LRRTM3: variants seen among roughly 807,000 people sequenced by gnomAD.
LRRTM3 encodes leucine rich repeat transmembrane neuronal 3, also known as leucine-rich repeat transmembrane neuronal protein 3.
In LRRTM3, 24 loss-of-function variants were observed where a neutral mutation model predicts 44.7. The observed-to-expected ratio is 0.54, with a 90% confidence interval of 0.39 to 0.76. The LOEUF (loss-of-function observed/expected upper bound fraction) is 0.76, where lower values mean the gene tolerates loss of function less well. Ranked by LOEUF, LRRTM3 falls within the 30% of genes least tolerant of loss-of-function variation. The probability of loss-of-function intolerance (pLI) is 0.00; values close to 1 mark genes in which losing one functional copy is unlikely to be tolerated. For missense variants in LRRTM3, 587 were observed against 702.2 expected (o/e 0.84, Z 1.85); for synonymous variants, 277 against 278.7 (o/e 0.99, Z 0.06).
At chr10:66,990,125 G>A (rs992673434) in intron 2 of LRRTM3, among the ~76,000 whole-genome samples, 3 of 152,178 alleles carry the variant, frequency 2.0e-5, no homozygotes, top group Admixed American at 1.3e-4. Flanking sequence ...AAGCTTGTCA[G>A]TAGACATCAT....
At chr10:67,059,449 T>G (rs1172861674) in intron 2 of LRRTM3, among the ~76,000 whole-genome samples, 1 of 152,126 alleles carries the variant, frequency 6.6e-6, no homozygotes, top group African/African-American at 2.4e-5. Flanking sequence ...ACAGACAGAT[T>G]GTAAGAGACA....
intron 2 of LRRTM3, among the ~76,000 whole-genome samples, chr10:67,066,569 C>T (rs1196956238): frequency 1.3e-5 from 2 of 150,792 alleles, no homozygotes; most frequent in Non-Finnish European, 2.9e-5. Context: ...ACACACCAAC[C>T]ATTACAGAAG....
At chr10:66,997,304 G>A (rs1851408308) in intron 2 of LRRTM3, among the ~76,000 whole-genome samples, 1 of 152,170 alleles carries the variant, frequency 6.6e-6, no homozygotes, top group Non-Finnish European at 1.5e-5. Context: ...GAATGTGACT[G>A]ATACAATCTG....
intron 2 of LRRTM3, among the ~76,000 whole-genome samples, chr10:66,964,412 G>A (rs1849290657): frequency 6.6e-6 from 1 of 151,632 alleles, no homozygotes; most frequent in African/African-American, 2.4e-5. Flanking sequence ...TTTTTAAACT[G>A]GCACAAAAGT....
intron 2 of LRRTM3, among the ~76,000 whole-genome samples, chr10:66,945,660 T>C (rs1393596811): frequency 6.6e-6 from 1 of 152,236 alleles, no homozygotes; most frequent in African/African-American, 2.4e-5. Context: ...AAAAGAGGCC[T>C]AGCTTTCAAC....
chr10:66,987,225 A>G (rs1850781441), intron 2 of LRRTM3, among the ~76,000 whole-genome samples: 1 of 152,134 alleles, frequency 6.6e-6, no homozygotes, highest in Non-Finnish European at 1.5e-5. Context: ...TTTTTCTCTG[A>G]ATGAAACGGG....
intron 2 of LRRTM3, among the ~76,000 whole-genome samples, chr10:67,060,713 G>GC (rs1326953642): frequency 6.6e-6 from 1 of 152,092 alleles, no homozygotes; most frequent in African/African-American, 2.4e-5. Flanking sequence ...AGGAGTCTAG[G>GC]CATCATTCCA....
chr10:66,945,658 C>T (rs1033277477), intron 2 of LRRTM3, among the ~76,000 whole-genome samples: 3 of 152,164 alleles, frequency 2.0e-5, no homozygotes, highest in African/African-American at 7.2e-5. Context: ...GCAAAAGAGG[C>T]CTAGCTTTCA....
At chr10:66,932,435 G>T (rs1253085792) in intron 2 of LRRTM3, among the ~76,000 whole-genome samples, 1 of 152,140 alleles carries the variant, frequency 6.6e-6, no homozygotes, top group Non-Finnish European at 1.5e-5. Context: ...CGAGCCATGA[G>T]AAATAAAAAA....
At chr10:67,072,885 T>G (rs997942220) in intron 2 of LRRTM3, among the ~76,000 whole-genome samples, 80 of 33,350 alleles carry the variant, frequency 2.4e-3, no homozygotes, top group African/African-American at 0.023. Flanking sequence ...TTTTGGAAGC[T>G]CTGCCTTTGG....
intron 2 of LRRTM3, among the ~76,000 whole-genome samples, chr10:66,967,764 C>A (rs1849516263): frequency 6.6e-6 from 1 of 151,942 alleles, no homozygotes; most frequent in South Asian, 2.1e-4. Context: ...GAAAAATAAT[C>A]TGTTTAGTAG....
intron 2 of LRRTM3, among the ~76,000 whole-genome samples, chr10:67,033,700 A>G (rs926556277): frequency 1.1e-4 from 16 of 152,182 alleles, no homozygotes; most frequent in African/African-American, 1.9e-4. Flanking sequence ...CAGATCCTAA[A>G]TGGTGGAACT....
chr10:67,097,322 A>G (rs1427485546), intron 2 of LRRTM3, among the ~76,000 whole-genome samples: 3 of 151,926 alleles, frequency 2.0e-5, no homozygotes, highest in Admixed American at 1.3e-4. Context: ...TAAATCTTTT[A>G]TCATTTTCAG....
chr10:66,935,280 A>G (rs144308105), intron 2 of LRRTM3, among the ~76,000 whole-genome samples: 18 of 152,236 alleles, frequency 1.2e-4, no homozygotes, highest in African/African-American at 3.8e-4. Flanking sequence ...GTGTGACAAG[A>G]TTACAACAGT....
At chr10:67,050,631 T>A (rs577220400) in intron 2 of LRRTM3, among the ~76,000 whole-genome samples, 1 of 152,206 alleles carries the variant, frequency 6.6e-6, no homozygotes, top group Non-Finnish European at 1.5e-5. Context: ...ACGCTGAGGC[T>A]GATGTGATTG....
intron 2 of LRRTM3, among the ~76,000 whole-genome samples, chr10:67,070,372 T>A (rs962650484): frequency 5.3e-5 from 8 of 152,206 alleles, no homozygotes; most frequent in Non-Finnish European, 1.5e-5. Flanking sequence ...CTTAATGGTA[T>A]GTTTTGATGA....
intron 2 of LRRTM3, among the ~76,000 whole-genome samples, chr10:66,929,968 CCA>C (rs1847283013): frequency 6.6e-6 from 1 of 152,156 alleles, no homozygotes; most frequent in African/African-American, 2.4e-5. Flanking sequence ...ATTTGGCTTG[CCA>C]ACCCCTACAT....
chr10:66,980,121 GTTTCTA>G (rs1239534496), intron 2 of LRRTM3, among the ~76,000 whole-genome samples: 1 of 152,096 alleles, frequency 6.6e-6, no homozygotes, highest in African/African-American at 2.4e-5. Context: ...AATCAAATTT[GTTTCTA>G]TTTCATTTCT....
chr10:66,944,770 C>A (rs1363991810), intron 2 of LRRTM3, among the ~76,000 whole-genome samples: 1 of 152,164 alleles, frequency 6.6e-6, no homozygotes, highest in Non-Finnish European at 1.5e-5. Flanking sequence ...GATTCATAGG[C>A]TGCAGAATGG....
Sources: gnomAD v4.1 joint callset for allele counts (sites outside exome capture counted in the v4.1 genomes callset) on GRCh38, gnomAD v4.1.1 for gene constraint, MANE v1.5 for transcripts, NCBI Gene and HGNC (gene_info 2026-07-23, HGNC 2026-07-21) for gene names.